NBAS: variants seen among roughly 807,000 people sequenced by gnomAD.
The protein encoded by NBAS is NBAS subunit of NRZ tethering complex, also known as NAG/BC035112 fusion.
Under a neutral mutation model 302.5 loss-of-function variants are expected in NBAS, and 219 were observed. That is an observed-to-expected ratio of 0.72 (90% CI 0.65 to 0.81). The LOEUF is 0.81. Ranked by LOEUF, NBAS falls within the 30% of genes least tolerant of loss-of-function variation. NBAS has a pLI of 0.00. For synonymous variants in NBAS, 1,118 were observed against 1,021.6 expected (o/e 1.09, Z -1.80); for missense variants, 2,932 against 2,841.6 (o/e 1.03, Z -0.72).
chr2:15,344,643 T>A (rs1348479649), intron 35 of NBAS, among the ~76,000 whole-genome samples: 1 of 152,088 alleles, frequency 6.6e-6, no homozygotes, highest in Non-Finnish European at 1.5e-5. Context: ...AAGGAGGGAC[T>A]CCTCCCTAAC....
At chr2:14,821,072 G>A in the NBAS span, among the ~76,000 whole-genome samples, 7,783 of 152,092 alleles carry the variant, frequency 0.051, 205 homozygotes, top group Non-Finnish European at 0.058. Context: ...GACTACAGGC[G>A]CCCGCCACCA....
intron 25 of NBAS, among the ~76,000 whole-genome samples, chr2:15,404,986 C>T (rs550816354): frequency 1.3e-5 from 2 of 152,284 alleles, no homozygotes; most frequent in South Asian, 2.1e-4. Context: ...TACCCTTCTA[C>T]ATAAAGTTTT....
the NBAS span, among the ~76,000 whole-genome samples, chr2:14,851,548 G>A: frequency 3.8e-5 from 5 of 131,556 alleles, no homozygotes; most frequent in African/African-American, 1.7e-4. Context: ...CCAATCAATA[G>A]AAAAAGAGGG....
At chr2:15,362,991 G>A (rs890208378) in intron 32 of NBAS, among the ~76,000 whole-genome samples, 1 of 152,116 alleles carries the variant, frequency 6.6e-6, no homozygotes, top group Admixed American at 6.6e-5. Flanking sequence ...GGGAGGCTGC[G>A]ACAGGTGAAT....
At chr2:15,090,718 A>G in the NBAS span, among the ~76,000 whole-genome samples, 3 of 152,196 alleles carry the variant, frequency 2.0e-5, no homozygotes, top group Non-Finnish European at 4.4e-5. Context: ...TTATACTGAC[A>G]TTTACACGGA....
At chr2:15,068,957 C>T in the NBAS span, among the ~76,000 whole-genome samples, 14 of 152,130 alleles carry the variant, frequency 9.2e-5, no homozygotes, top group Non-Finnish European at 1.6e-4. Context: ...TACAGAGTCC[C>T]GAGGCAGCGC....
At chr2:14,969,439 C>A in the NBAS span, among the ~76,000 whole-genome samples, 2 of 152,054 alleles carry the variant, frequency 1.3e-5, no homozygotes, top group Middle Eastern at 3.4e-3. Context: ...TGGAGTGGTG[C>A]GATCTCAGCT....
chr2:15,281,519 C>T (rs1055091949), intron 42 of NBAS, among the ~76,000 whole-genome samples: 13 of 152,106 alleles, frequency 8.5e-5, no homozygotes, highest in African/African-American at 3.1e-4. Context: ...CTAGCCTGTT[C>T]CCAGAATTAA....
chr2:15,431,669 A>G (rs1473115851), intron 21 of NBAS, among the ~76,000 whole-genome samples: 1 of 152,168 alleles, frequency 6.6e-6, no homozygotes, highest in Non-Finnish European at 1.5e-5. Flanking sequence ...TTTGTTCATG[A>G]AAAAAATGGA....
chr2:14,874,473 A>G, the NBAS span, among the ~76,000 whole-genome samples: 19 of 150,442 alleles, frequency 1.3e-4, no homozygotes, highest in Middle Eastern at 3.4e-3. Context: ...TAAAAAAAAA[A>G]AAAAAAAATA....
chr2:14,821,981 C>T, the NBAS span, among the ~76,000 whole-genome samples: 6 of 151,798 alleles, frequency 4.0e-5, no homozygotes, highest in East Asian at 1.9e-4. Context: ...TGCAGTGAGC[C>T]GAGATTGCAC....
chr2:15,310,526 C>G (rs1008381664), intron 38 of NBAS, among the ~76,000 whole-genome samples: 10 of 152,130 alleles, frequency 6.6e-5, no homozygotes, highest in African/African-American at 1.9e-4. Context: ...CAGACATTGC[C>G]TTATGAATTA....
intron 13 of NBAS, among the ~76,000 whole-genome samples, chr2:15,477,419 G>A (rs558422574): frequency 2.0e-3 from 304 of 152,142 alleles, no homozygotes; most frequent in Non-Finnish European, 3.1e-3. Context: ...GCACCACCAC[G>A]CCTGGCTAAT....
the NBAS span, among the ~76,000 whole-genome samples, chr2:15,034,257 A>AAAGT: frequency 1.0e-5 from 1 of 97,268 alleles, no homozygotes; most frequent in Non-Finnish European, 2.1e-5. Flanking sequence ...AGAAAGAAAG[A>AAAGT]AAGAAAGAAA....
At chr2:15,083,369 G>A in the NBAS span, among the ~76,000 whole-genome samples, 1 of 152,250 alleles carries the variant, frequency 6.6e-6, no homozygotes, top group African/African-American at 2.4e-5. Flanking sequence ...GTACACAGCA[G>A]CAGCCTTTTA....
intron 38 of NBAS, 94 bp downstream of exon 38, chr2:15,327,656 T>C (rs1672133322): frequency 1.4e-6 from 2 of 1,464,972 alleles, no homozygotes; most frequent in African/African-American, 2.8e-5. Flanking sequence ...ACTGAAAAAT[T>C]TCTTTTCCAA....
chr2:14,786,737 TC>T, the NBAS span, among the ~76,000 whole-genome samples: 1 of 152,186 alleles, frequency 6.6e-6, no homozygotes, highest in African/African-American at 2.4e-5. Context: ...GAGCTTTACT[TC>T]CAACTATGTG....
At chr2:15,513,317 C>T (rs143351982) in intron 9 of NBAS, among the ~76,000 whole-genome samples, 200 of 152,258 alleles carry the variant, frequency 1.3e-3, no homozygotes, top group African/African-American at 4.2e-3. Flanking sequence ...AGAGCTAACA[C>T]GTAATTAACC....
At position 15,292,599 on chromosome 2, in the gene NBAS, C is replaced by T. The variant is rs374771322; in HGVS notation, c.4965G>A (p.Val1655=). The T allele has an allele frequency of 9.3e-6, 15 of 1,614,042 alleles. No homozygotes were observed. In the Middle Eastern group the frequency reaches 4.9e-4, roughly 53 times the overall value. Residue 1655 remains valine, a synonymous_variant, in exon 41 of 52, where the codon GTG becomes GTA. Coordinates refer to ENST00000281513, the MANE Select transcript of NBAS (RefSeq NM_015909.4). ...AQILQGLRKG[V]DVQRFTADDQ... ...CATCTGCAGTAAACCGCTGCACGTC[C>T]ACACCCTTCCGAAGGCCCTGAAGGA...
Sources: allele counts gnomAD v4.1 joint callset (sites outside exome capture counted in the v4.1 genomes callset), GRCh38; gene constraint gnomAD v4.1.1; transcripts MANE v1.5; gene names NCBI Gene and HGNC (gene_info 2026-07-23, HGNC 2026-07-21).